Variants in CNTN3 observed in about 807,000 individuals in gnomAD.
CNTN3 encodes contactin-3.
In CNTN3, 60 loss-of-function variants were observed where a neutral mutation model predicts 119.1. That is an observed-to-expected ratio of 0.50 (90% CI 0.41 to 0.62). CNTN3 has a LOEUF of 0.62. Among genes scored for constraint, CNTN3 ranks in the 20% least tolerant of loss-of-function variants. The probability of loss-of-function intolerance (pLI) is 0.00; values close to 1 mark genes in which losing one functional copy is unlikely to be tolerated. For synonymous variants in CNTN3, 450 were observed against 438.7 expected (o/e 1.03, Z -0.32); for missense variants, 1,101 against 1,242.4 (o/e 0.89, Z 1.71).
chr3:74,344,163 T>A (rs1472389435), intron 11 of CNTN3, among the ~76,000 whole-genome samples: 4 of 152,148 alleles, frequency 2.6e-5, no homozygotes, highest in African/African-American at 7.2e-5. Flanking sequence ...TACATAGTAG[T>A]TTTTTTCAAT....
At chr3:74,412,336 G>A (rs1158103340) in intron 5 of CNTN3, among the ~76,000 whole-genome samples, 1 of 152,134 alleles carries the variant, frequency 6.6e-6, no homozygotes, top group East Asian at 1.9e-4. Context: ...GACTGGAAGG[G>A]GAGAATGTTT....
intron 1 of CNTN3, among the ~76,000 whole-genome samples, chr3:74,562,360 TTTC>T (rs1704165369): frequency 6.6e-6 from 1 of 152,198 alleles, no homozygotes; most frequent in Non-Finnish European, 1.5e-5. Context: ...CATTGTGTGT[TTTC>T]TTCCCTTTTT....
At chr3:74,295,811 G>T (rs953937771) in intron 18 of CNTN3, among the ~76,000 whole-genome samples, 5 of 152,004 alleles carry the variant, frequency 3.3e-5, no homozygotes, top group Admixed American at 2.0e-4. Context: ...AGATTCTATG[G>T]GGTTCACAGT....
At chr3:74,508,735 A>T (rs557515833) in intron 2 of CNTN3, among the ~76,000 whole-genome samples, 1 of 152,240 alleles carries the variant, frequency 6.6e-6, no homozygotes, top group Admixed American at 6.5e-5. Flanking sequence ...GACATAAACT[A>T]CTACTATGTT....
intron 13 of CNTN3, among the ~76,000 whole-genome samples, chr3:74,330,061 T>C (rs964148697): frequency 6.6e-6 from 1 of 152,022 alleles, no homozygotes; most frequent in Non-Finnish European, 1.5e-5. Context: ...TCCCATAAGA[T>C]TATAATGGAG....
chr3:74,276,399 G>A (rs1220886291), intron 20 of CNTN3, among the ~76,000 whole-genome samples: 2 of 152,080 alleles, frequency 1.3e-5, no homozygotes, highest in Non-Finnish European at 2.9e-5. Flanking sequence ...TATGAAATGA[G>A]CTTCAATAAA....
At position 74,498,774 on chromosome 3, in the gene CNTN3, G is replaced by A. The variant is rs774740755; in HGVS notation, c.182+885C>T. Among the ~76,000 whole-genome samples the A allele has an allele frequency of 1.6e-3, 239 of 151,724 alleles. 2 individuals carry two copies. Among genetic ancestry groups the A allele is most frequent in the Non-Finnish European group, 1.8e-3 (121 of 67,746 alleles). On this transcript the variant is annotated intron_variant, in intron 3 of 22. Transcript: ENST00000263665. ...CAGATTATAGAAAAGGTTTTGTCAAGAAAACTAATAGTGTGAATGGGGTTT... is the reference window on the plus strand; with the variant it reads ...CAGATTATAGAAAAGGTTTTGTCAAAAAAACTAATAGTGTGAATGGGGTTT...
At chr3:74,531,878 A>G (rs532170707) in intron 1 of CNTN3, among the ~76,000 whole-genome samples, 1 of 152,054 alleles carries the variant, frequency 6.6e-6, no homozygotes, top group South Asian at 2.1e-4. Context: ...AGTATGATGG[A>G]AACATTCCAA....
intron 1 of CNTN3, among the ~76,000 whole-genome samples, chr3:74,521,977 C>T (rs1004518900): frequency 5.3e-5 from 8 of 151,754 alleles, no homozygotes; most frequent in African/African-American, 1.9e-4. Flanking sequence ...TTAAAGTTTG[C>T]TACTTTAGTA....
intron 5 of CNTN3, among the ~76,000 whole-genome samples, chr3:74,402,069 G>T (rs958005660): frequency 6.6e-6 from 1 of 152,180 alleles, no homozygotes; most frequent in Non-Finnish European, 1.5e-5. Flanking sequence ...CTCCACATGT[G>T]TTCCCAGGGC....
intron 4 of CNTN3, among the ~76,000 whole-genome samples, chr3:74,448,788 A>G (rs190572362): frequency 6.6e-6 from 1 of 152,152 alleles, no homozygotes; most frequent in African/African-American, 2.4e-5. Context: ...GGTCCATTTC[A>G]TAACTATTTT....
intron 1 of CNTN3, among the ~76,000 whole-genome samples, chr3:74,557,158 T>G (rs1346394930): frequency 6.6e-6 from 1 of 152,222 alleles, no homozygotes; most frequent in Non-Finnish European, 1.5e-5. Flanking sequence ...GATTTTTCTC[T>G]TTTTTCTTTT....
intron 5 of CNTN3, among the ~76,000 whole-genome samples, chr3:74,416,335 A>T (rs1013619430): frequency 6.6e-6 from 1 of 152,224 alleles, no homozygotes; most frequent in African/African-American, 2.4e-5. Flanking sequence ...TTGCCTTCTT[A>T]AATACTCACA....
chr3:74,385,490 A>G (rs1376803312), intron 5 of CNTN3, among the ~76,000 whole-genome samples: 1 of 152,216 alleles, frequency 6.6e-6, no homozygotes, highest in Non-Finnish European at 1.5e-5. Flanking sequence ...ACCTGAAATG[A>G]GCTTTTTGCG....
chr3:74,506,464 G>T (rs781677388), intron 2 of CNTN3, among the ~76,000 whole-genome samples: 1 of 152,102 alleles, frequency 6.6e-6, no homozygotes, highest in East Asian at 1.9e-4. Flanking sequence ...GAGGAGATGG[G>T]TTGGAGTCTT....
chr3:74,456,252 G>T (rs13063976), intron 4 of CNTN3, among the ~76,000 whole-genome samples: 77,889 of 151,524 alleles, frequency 0.51, 20,333 homozygotes, highest in Non-Finnish European at 0.55. Flanking sequence ...GAAAAAAAAA[G>T]AAAAAAGCAA....
chr3:74,328,018 T>C (rs1431806947), intron 13 of CNTN3, among the ~76,000 whole-genome samples: 3 of 151,836 alleles, frequency 2.0e-5, no homozygotes. Context: ...TTTTATTTGT[T>C]CTTTCTCCTT....
At chr3:74,382,416 C>T (rs1485928965) in intron 5 of CNTN3, among the ~76,000 whole-genome samples, 2 of 152,086 alleles carry the variant, frequency 1.3e-5, no homozygotes, top group Admixed American at 1.3e-4. Context: ...TACATTGTCA[C>T]TAACTACGGT....
Position 74,557,015 on chromosome 3 carries a change from T to G in CNTN3, c.-80-35823A>C, listed in dbSNP as rs137949909. ...TTTTTATTGTTGCATCGTGAGAGTTTTTTTGTATTCTAATATAAGTCCCTT... is the reference window on the plus strand; with the variant it reads ...TTTTTATTGTTGCATCGTGAGAGTTGTTTTGTATTCTAATATAAGTCCCTT... On this transcript the variant is annotated intron_variant, in intron 1 of 22. Transcript: ENST00000263665. Among the ~76,000 whole-genome samples the G allele has an allele frequency of 5.0e-3, 758 of 152,280 alleles. 3 individuals carry two copies. The highest frequency in any genetic ancestry group is 8.2e-3 in the Non-Finnish European group (559 of 68,018).
Sources: allele counts gnomAD v4.1 joint callset (sites outside exome capture counted in the v4.1 genomes callset), GRCh38; gene constraint gnomAD v4.1.1; transcripts MANE v1.5; gene names NCBI Gene and HGNC (gene_info 2026-07-23, HGNC 2026-07-21).